FSTL1: variants seen among roughly 807,000 people sequenced by gnomAD.
FSTL1 encodes the protein follistatin-related protein 1.
FSTL1 carries 24 observed loss-of-function variants against 45.9 expected under a neutral mutation model. The ratio of observed to expected loss-of-function variants is 0.52; its 90% CI spans 0.38 to 0.74. The LOEUF (loss-of-function observed/expected upper bound fraction) is 0.74. FSTL1 is among the 30% of genes least tolerant of loss of function. The pLI is 0.00. For missense variants in FSTL1, 340 were observed against 381.8 expected (o/e 0.89, Z 0.91); for synonymous variants, 120 against 137.6 (o/e 0.87, Z 0.89).
chr3:120,422,500 G>C (rs1937297025), intron 2 of FSTL1, among the ~76,000 whole-genome samples: 2 of 152,008 alleles, frequency 1.3e-5, no homozygotes, highest in African/African-American at 4.8e-5. Flanking sequence ...TCTCAATAAA[G>C]CTGCTTAAAA....
At chr3:120,409,224 G>C (rs867928873) in intron 6 of FSTL1, among the ~76,000 whole-genome samples, 1 of 152,224 alleles carries the variant, frequency 6.6e-6, no homozygotes, top group Non-Finnish European at 1.5e-5. Context: ...AGATCCATAA[G>C]GTGTCATGGC....
At chr3:120,404,329 T>C (rs947509763) in intron 7 of FSTL1, among the ~76,000 whole-genome samples, 5 of 152,250 alleles carry the variant, frequency 3.3e-5, no homozygotes, top group Admixed American at 2.0e-4. Context: ...TATTTTTAAT[T>C]CTTACCGATG....
intron 2 of FSTL1, 82 bp downstream of exon 2, chr3:120,450,602 C>T: frequency 1.1e-6 from 1 of 912,224 alleles, no homozygotes; most frequent in Non-Finnish European, 1.6e-6. Context: ...GAGAGCATCC[C>T]CAGGACGCGC....
chr3:120,401,916 G>A (rs891182947), intron 9 of FSTL1, among the ~76,000 whole-genome samples: 4 of 152,160 alleles, frequency 2.6e-5, no homozygotes, highest in African/African-American at 9.7e-5. Flanking sequence ...TTTTCGGCCT[G>A]GTTCCAAATG....
intron 4 of FSTL1, 171 bp from the exon 5 acceptor site, chr3:120,411,155 G>T: frequency 1.8e-6 from 1 of 556,652 alleles, no homozygotes. Context: ...CAGGTATGAG[G>T]ATCTTCTGTC....
At chr3:120,412,646 G>A (rs946416388) in intron 3 of FSTL1, among the ~76,000 whole-genome samples, 11 of 152,214 alleles carry the variant, frequency 7.2e-5, no homozygotes, top group Middle Eastern at 6.8e-3. Context: ...CAGAAAGGGC[G>A]TTTTATTAAA....
At chr3:120,439,810 A>G (rs1006269104) in intron 2 of FSTL1, among the ~76,000 whole-genome samples, 2 of 152,176 alleles carry the variant, frequency 1.3e-5, no homozygotes, top group Admixed American at 1.3e-4. Flanking sequence ...GAACAAAGAA[A>G]TTGCCTTAAA....
At chr3:120,418,111 T>C (rs1937217714) in intron 2 of FSTL1, among the ~76,000 whole-genome samples, 1 of 152,252 alleles carries the variant, frequency 6.6e-6, no homozygotes, top group East Asian at 1.9e-4. Context: ...CAAGTCATTT[T>C]TCAGGAATAG....
intron 5 of FSTL1, chr3:120,410,554 T>TAA: frequency 5.8e-6 from 2 of 344,498 alleles, no homozygotes; most frequent in Non-Finnish European, 1.1e-5. Flanking sequence ...TAGTGATCAC[T>TAA]AATAGAAAAC....
Position 120,396,471 on chromosome 3 carries a change from C to A in FSTL1, c.*481G>T, listed in dbSNP as rs1264105866. 1 of 157,310 alleles carries A rather than the reference C, an allele frequency of 6.4e-6. No individual in the cohort carries two copies. The highest frequency in any genetic ancestry group is 6.3e-5 in the Admixed American group (1 of 15,946). The allele number at this position is 157,310 out of a possible 1,614,324, so 9.7% of individuals were successfully genotyped here. A position where few individuals can be genotyped will look rare whatever the true frequency, so the allele number is the denominator to read the frequency against. On this transcript the variant is annotated 3_prime_UTR_variant, in exon 11 of 11. Transcript: ENST00000295633. ...ATGTATCTAGAGGCAGTTATTGGGA[C>A]CAAGAGATGCGTGGATGCTGGAGGT...
At chr3:120,402,947 T>C in intron 8 of FSTL1, 29 bp from the exon 9 acceptor site, 1 of 1,408,880 alleles carries the variant, frequency 7.1e-7, no homozygotes, top group Non-Finnish European at 1.0e-6. Context: ...GGGGCAACAG[T>C]TTAGCTGTGA....
chr3:120,425,613 A>C (rs1179936263), intron 2 of FSTL1, among the ~76,000 whole-genome samples: 1 of 152,236 alleles, frequency 6.6e-6, no homozygotes, highest in Admixed American at 6.5e-5. Context: ...TTAAGCTGTA[A>C]GAATTCTATT....
intron 4 of FSTL1, 94 bp from the exon 5 acceptor site, chr3:120,411,078 G>A: frequency 2.4e-6 from 2 of 816,730 alleles, no homozygotes; most frequent in East Asian, 4.9e-5. Context: ...TACATGTAGG[G>A]GAATGTTTGT....
Position 120,396,974 on chromosome 3 carries a change from C to G in FSTL1, c.905G>C (p.Arg302Thr), listed in dbSNP as rs576928727. 68 of 1,612,412 alleles carry G rather than the reference C, an allele frequency of 4.2e-5. No homozygotes were observed. The South Asian group carries it at 6.4e-4, about 15-fold the overall frequency. ...TCATTAGATCTCTTTGGTGCTCACT[C>G]TCTTGGTCTTTTCAGCTGTTTCCTT... ...KHQETAEKTK[R>T]VSTKEI Residue 302 changes from arginine (R) to threonine (T), a missense_variant, in exon 11 of 11, where the codon AGA (arginine) becomes ACA (threonine). Transcript: ENST00000295633.
rs75927853 is a variant in FSTL1 at position 120,432,683 on chromosome 3, C to A, written c.64-16656G>T. 1.1e-4 allele frequency among the ~76,000 whole-genome samples: 17 copies of A among 152,360 alleles called. No homozygotes were observed. In the East Asian group the frequency reaches 3.3e-3, roughly 29 times the overall value. On this transcript the variant is annotated intron_variant, in intron 2 of 10. Coordinates refer to ENST00000295633, the MANE Select transcript of FSTL1 (RefSeq NM_007085.5). ...ACAGCTCTGGTATCCTTCATTTTAA[C>A]TGTGTAAACACTGGAGAAATGCCAC...
intron 2 of FSTL1, among the ~76,000 whole-genome samples, chr3:120,446,753 C>G (rs186494593): frequency 6.6e-6 from 1 of 152,072 alleles, no homozygotes; most frequent in East Asian, 1.9e-4. Flanking sequence ...TGTACAATGC[C>G]GATAATAGGG....
chr3:120,434,116 A>G (rs1482364097), intron 2 of FSTL1, among the ~76,000 whole-genome samples: 1 of 152,198 alleles, frequency 6.6e-6, no homozygotes, highest in Non-Finnish European at 1.5e-5. Context: ...GTGCTATTGC[A>G]ATAGTCCAGG....
Position 120,392,811 on chromosome 3 carries a change from A to AT in FSTL1, c.*4140dup, listed in dbSNP as rs889696254. Reference sequence around the variant, plus strand: ...TGCTTAGATCTATCTATGCATTCATATTTTTTCCCTTCCTTCCTTCCCCTT... The same window carrying AT: ...TGCTTAGATCTATCTATGCATTCATATTTTTTTCCCTTCCTTCCTTCCCCTT... On this transcript the variant is annotated 3_prime_UTR_variant, in exon 11 of 11. Transcript: ENST00000295633. The AT allele has an allele frequency of 1.3e-5, 2 of 152,098 alleles. No individual in the cohort carries two copies. The highest frequency in any genetic ancestry group is 6.6e-5 in the Admixed American group (1 of 15,250). The allele number at this position is 152,098 out of a possible 1,614,324, so 9.4% of individuals were successfully genotyped here. A position where few individuals can be genotyped will look rare whatever the true frequency, so the allele number is the denominator to read the frequency against.
At chr3:120,447,156 GGC>G (rs1177172845) in intron 2 of FSTL1, among the ~76,000 whole-genome samples, 1 of 152,034 alleles carries the variant, frequency 6.6e-6, no homozygotes, top group African/African-American at 2.4e-5. Context: ...GAGCTTCAAG[GGC>G]ACACACACTA....
Sources: gnomAD v4.1 joint callset for allele counts (sites outside exome capture counted in the v4.1 genomes callset) on GRCh38, gnomAD v4.1.1 for gene constraint, MANE v1.5 for transcripts, NCBI Gene and HGNC (gene_info 2026-07-23, HGNC 2026-07-21) for gene names.